ZNF423: variants seen among roughly 807,000 people sequenced by gnomAD.
ZNF423 encodes the protein Ebf-associated zinc finger protein.
A neutral mutation model predicts 95.8 loss-of-function variants in ZNF423; 12 were observed. The ratio of observed to expected loss-of-function variants is 0.13; its 90% CI spans 0.08 to 0.20. ZNF423 has a LOEUF of 0.20. Ranked by LOEUF, ZNF423 falls within the 10% of genes least tolerant of loss-of-function variation. The pLI is 1.00. For missense variants in ZNF423, 1,316 were observed against 1,737.1 expected, an observed-to-expected ratio of 0.76 and a Z score of 4.31; for synonymous variants, 749 against 711.9, an observed-to-expected ratio of 1.05 and a Z score of -0.83.
At position 49,580,817 on chromosome 16, in the gene ZNF423, G is replaced by A. The variant is rs79386491; in HGVS notation, c.3601+45353C>T. Among the ~76,000 whole-genome samples, 191 of 152,234 alleles carry A rather than the reference G, an allele frequency of 1.3e-3. 1 individual carries two copies. Among genetic ancestry groups the A allele is most frequent in the Middle Eastern group, 3.4e-3 (1 of 294 alleles). On this transcript the variant is annotated intron_variant, in intron 5 of 7. Transcript: ENST00000563137. ...ATCTTGCTTCCAACGAGCAGGCAGC[G>A]GAGAACGCATTCAGAGAGCCTACAG...
At chr16:49,551,783 A>G (rs1208002411) in intron 5 of ZNF423, among the ~76,000 whole-genome samples, 6 of 152,132 alleles carry the variant, frequency 3.9e-5, no homozygotes, top group Admixed American at 6.5e-5. Context: ...GACACCGAAA[A>G]CGGGCCCCTC....
chr16:49,534,473 G>A (rs575389152), intron 5 of ZNF423, among the ~76,000 whole-genome samples: 7 of 152,184 alleles, frequency 4.6e-5, no homozygotes, highest in African/African-American at 7.2e-5. Context: ...GGCTGGTCTC[G>A]AACTCCTGAC....
intron 2 of ZNF423, among the ~76,000 whole-genome samples, chr16:49,762,396 T>C (rs905608246): frequency 6.6e-6 from 1 of 152,168 alleles, no homozygotes; most frequent in Non-Finnish European, 1.5e-5. Context: ...CCAGACAGAA[T>C]GCCCCACACA....
chr16:49,609,737 T>C (rs1971660059), intron 5 of ZNF423, among the ~76,000 whole-genome samples: 1 of 146,206 alleles, frequency 6.8e-6, no homozygotes, highest in Non-Finnish European at 1.5e-5. Flanking sequence ...CAGAAGGAGA[T>C]AAAAAAAAAA....
intron 3 of ZNF423, among the ~76,000 whole-genome samples, chr16:49,727,940 A>C (rs1240683020): frequency 6.6e-6 from 1 of 152,228 alleles, no homozygotes; most frequent in African/African-American, 2.4e-5. Flanking sequence ...TTGCACATTT[A>C]TATCAGTTCC....
chr16:49,515,333 A>T (rs191818667), intron 7 of ZNF423, among the ~76,000 whole-genome samples: 1 of 152,316 alleles, frequency 6.6e-6, no homozygotes, highest in African/African-American at 2.4e-5. Flanking sequence ...AACTACTAAA[A>T]TAGTTTCTGG....
At chr16:49,794,780 G>C (rs1311801997) in intron 1 of ZNF423, among the ~76,000 whole-genome samples, 1 of 152,196 alleles carries the variant, frequency 6.6e-6, no homozygotes, top group Non-Finnish European at 1.5e-5. Context: ...GCTTTTATCT[G>C]CCTCCCTCAC....
At chr16:49,662,106 C>A (rs535516611) in intron 3 of ZNF423, among the ~76,000 whole-genome samples, 55 of 152,276 alleles carry the variant, frequency 3.6e-4, no homozygotes, top group African/African-American at 1.3e-3. Flanking sequence ...GGAACTCCAC[C>A]CCCACTCCCA....
At chr16:49,654,983 AAATT>A (rs1461420548) in intron 3 of ZNF423, among the ~76,000 whole-genome samples, 1 of 152,254 alleles carries the variant, frequency 6.6e-6, no homozygotes, top group Non-Finnish European at 1.5e-5. Context: ...AGAATTAAGT[AAATT>A]AATTAATTTA....
chr16:49,564,251 T>C (rs1456120650), intron 5 of ZNF423, among the ~76,000 whole-genome samples: 1 of 152,254 alleles, frequency 6.6e-6, no homozygotes, highest in Non-Finnish European at 1.5e-5. Flanking sequence ...TATTCCTTTT[T>C]TCAGCAAAGA....
chr16:49,628,503 G>A (rs11863481), intron 4 of ZNF423, among the ~76,000 whole-genome samples: 2,732 of 148,048 alleles, frequency 0.018, 100 homozygotes, highest in African/African-American at 0.065. Flanking sequence ...CTACCCATTC[G>A]TCCATCTACA....
intron 5 of ZNF423, among the ~76,000 whole-genome samples, chr16:49,596,270 G>A (rs557685183): frequency 6.6e-6 from 1 of 152,286 alleles, no homozygotes; most frequent in East Asian, 1.9e-4. Context: ...AGGAGCACGG[G>A]CTTTGAAAAC....
intron 3 of ZNF423, among the ~76,000 whole-genome samples, chr16:49,705,701 C>T (rs950525386): frequency 6.6e-6 from 1 of 152,142 alleles, no homozygotes; most frequent in Non-Finnish European, 1.5e-5. Flanking sequence ...GTGCCCACCA[C>T]CACGCCAGGC....
chr16:49,839,152 C>T (rs1356075189), intron 1 of ZNF423, among the ~76,000 whole-genome samples: 1 of 151,236 alleles, frequency 6.6e-6, no homozygotes, highest in African/African-American at 2.4e-5. Context: ...GCGGTTTCTC[C>T]GTCCCCTCCC....
chr16:49,685,478 G>A (rs1192219149), intron 3 of ZNF423, among the ~76,000 whole-genome samples: 2 of 152,094 alleles, frequency 1.3e-5, no homozygotes, highest in East Asian at 3.9e-4. Context: ...CCCCTGCCCT[G>A]GTGCAGTTCA....
chr16:49,664,639 G>C (rs866397945), intron 3 of ZNF423, among the ~76,000 whole-genome samples: 7 of 152,060 alleles, frequency 4.6e-5, no homozygotes, highest in Non-Finnish European at 8.8e-5. Flanking sequence ...AGGACAGGGT[G>C]GGGGGACGGC....
intron 5 of ZNF423, among the ~76,000 whole-genome samples, chr16:49,526,315 G>A (rs1268053310): frequency 6.6e-6 from 1 of 152,202 alleles, no homozygotes; most frequent in Non-Finnish European, 1.5e-5. Flanking sequence ...AGTGGATGAT[G>A]GACAACAGGC....
intron 4 of ZNF423, among the ~76,000 whole-genome samples, chr16:49,627,436 T>A (rs1972332855): frequency 6.9e-6 from 1 of 144,436 alleles, no homozygotes; most frequent in African/African-American, 2.6e-5. Context: ...CATCTACCCA[T>A]CCATCCATCT....
At chr16:49,762,414 G>A (rs1224436551) in intron 2 of ZNF423, among the ~76,000 whole-genome samples, 1 of 152,188 alleles carries the variant, frequency 6.6e-6, no homozygotes, top group East Asian at 1.9e-4. Context: ...ACAGAAGCCT[G>A]TGGCCAGCCC....
Sources: allele counts gnomAD v4.1 joint callset (sites outside exome capture counted in the v4.1 genomes callset), GRCh38; gene constraint gnomAD v4.1.1; transcripts MANE v1.5; gene names NCBI Gene and HGNC (gene_info 2026-07-23, HGNC 2026-07-21).